The following PDE4A variants were observed in gnomAD, a reference collection of about 807,000 sequenced individuals.
The protein encoded by PDE4A is 3',5'-cyclic-AMP phosphodiesterase 4A.
In PDE4A, 21 loss-of-function variants were observed where a neutral mutation model predicts 73.9. The observed-to-expected ratio is 0.28, with a 90% confidence interval of 0.20 to 0.41. The LOEUF (loss-of-function observed/expected upper bound fraction) is 0.41, where lower values mean the gene tolerates loss of function less well. PDE4A is among the 10% of genes least tolerant of loss of function. PDE4A has a pLI of 1.00. For missense variants in PDE4A, 958 were observed against 1,211.4 expected, an observed-to-expected ratio of 0.79 and a Z score of 3.10; for synonymous variants, 463 against 505.4, an observed-to-expected ratio of 0.92 and a Z score of 1.13.
chr19:10,443,775 G>A (rs1388732124), intron 1 of PDE4A, among the ~76,000 whole-genome samples: 1 of 152,058 alleles, frequency 6.6e-6, no homozygotes, highest in Non-Finnish European at 1.5e-5. Context: ...GGGAGGCCGA[G>A]GTGGGTGGAT....
intron 1 of PDE4A, among the ~76,000 whole-genome samples, chr19:10,439,966 CG>C (rs1266131389): frequency 4.1e-5 from 6 of 147,500 alleles, no homozygotes; most frequent in Non-Finnish European, 8.9e-5. Flanking sequence ...TCCTAATAGG[CG>C]TGACATGGTA....
At chr19:10,427,655 G>T in intron 1 of PDE4A, 1 of 981,210 alleles carries the variant, frequency 1.0e-6, no homozygotes, top group Non-Finnish European at 1.2e-6. Context: ...CAGACAGCTG[G>T]GTCCATAATC....
Position 10,457,865 on chromosome 19 carries a change from C to T in PDE4A, c.878-14C>T, listed in dbSNP as rs2043196695. ...GGGTTGTTCACACTTGTTCCTGCTC[C>T]CCATCTTCTGCAGACAAACAGAATG... On this transcript the variant is annotated splice_polypyrimidine_tract_variant and intron_variant, in intron 7 of 14. Transcript: ENST00000380702. The T allele has an allele frequency of 1.9e-6, 3 of 1,611,976 alleles. No individual in the cohort carries two copies. The highest frequency in any genetic ancestry group is 2.5e-6 in the Non-Finnish European group (3 of 1,179,944).
At position 10,449,130 on chromosome 19, in the gene PDE4A, T is replaced by C. The variant is rs778511154; in HGVS notation, c.600T>C (p.Asn200=). The change falls in exon 4 of 15, where the codon AAT becomes AAC. Residue 200 remains asparagine (N), a synonymous_variant. Transcript: ENST00000380702. The part of the protein sequence containing the change: ...SVRSNFSLLT[N]VPVPSNKRSP... ...GTAGCAACTTCTCACTCCTGACCAA[T>C]GTGCCCGTTCCCAGTAACAAGTAAG... 1.9e-6 allele frequency: 3 copies of C among 1,613,720 alleles called. No individual in the cohort carries two copies. Among genetic ancestry groups the C allele is most frequent in the South Asian group, 2.2e-5 (2 of 90,952 alleles).
At chr19:10,425,227 AAAAAAAC>A (rs1466856910) in intron 1 of PDE4A, among the ~76,000 whole-genome samples, 1 of 151,592 alleles carries the variant, frequency 6.6e-6, no homozygotes, top group Admixed American at 6.6e-5. Context: ...TGTCTCAAAA[AAAAAAAC>A]AAAAAACAAA....
At chr19:10,446,157 C>T in intron 1 of PDE4A, 61 bp from the exon 2 acceptor site, 2 of 1,521,954 alleles carry the variant, frequency 1.3e-6, no homozygotes, top group Non-Finnish European at 1.8e-6. Flanking sequence ...CTCCTCATTC[C>T]TCTTGACCTC....
intron 1 of PDE4A, among the ~76,000 whole-genome samples, chr19:10,445,644 T>C (rs2042992705): frequency 6.6e-6 from 1 of 151,628 alleles, no homozygotes. Context: ...GGTGCATGTC[T>C]GTAATCCCAG....
chr19:10,450,978 G>T, intron 6 of PDE4A, 37 bp downstream of exon 6: 2 of 1,544,568 alleles, frequency 1.3e-6, no homozygotes, highest in East Asian at 2.4e-5. Context: ...GGGCGGGGCA[G>T]GCGGGGGCGG....
chr19:10,428,029 G>C (rs892584684), intron 1 of PDE4A: 8 of 167,906 alleles, frequency 4.8e-5, no homozygotes, highest in Non-Finnish European at 9.6e-5. Context: ...CACCTGGTGG[G>C]TGTCTGGTGG....
upstream of PDE4A, chr19:10,420,450 CGGGCGGG>C: frequency 3.3e-6 from 1 of 300,558 alleles, no homozygotes. This position sits in a 1 kb window ranked among gnomAD's most constrained non-coding sequence, Gnocchi z 6.0. Flanking sequence ...ACAGCCGCGG[CGGGCGGG>C]GGGCGGGGAG....
intron 14 of PDE4A, among the ~76,000 whole-genome samples, chr19:10,464,671 T>C (rs1314224774): frequency 2.6e-5 from 4 of 151,890 alleles, no homozygotes; most frequent in African/African-American, 9.7e-5. Flanking sequence ...CCTCCCAAAG[T>C]GCTGGGATAT....
chr19:10,453,096 G>A lies in PDE4A; in HGVS notation c.784-1733G>A, dbSNP rs1034183300. ...TGTAACCAGGGCTGCTGCTGGGAGC[G>A]CGGAGGGGAAGGGAGCCCCCAGCCC... On this transcript the variant is annotated intron_variant, in intron 6 of 14. Coordinates refer to ENST00000380702, the MANE Select transcript of PDE4A (RefSeq NM_001111307.2). This position sits in a 1 kb window ranked among gnomAD's most constrained non-coding sequence, Gnocchi z 4.6. The A allele has an allele frequency of 2.7e-5, 36 of 1,341,884 alleles. No homozygotes were observed. The highest frequency in any genetic ancestry group is 4.6e-5 in the African/African-American group (3 of 65,096). The allele number at this position is 1,341,884 out of a possible 1,614,324, so 83.1% of individuals were successfully genotyped here. A position where few individuals can be genotyped will look rare whatever the true frequency, so the allele number is the denominator to read the frequency against.
Position 10,435,516 on chromosome 19 carries a change from G to A in PDE4A, c.321-10702G>A, listed in dbSNP as rs1025786579. On this transcript the variant is annotated intron_variant, in intron 1 of 14. Transcript: ENST00000380702. ...GCTGAGGCTGCAGTGAACCATGATC[G>A]CCCCACTGCACTGCAGTCTGGGTGA... is the stretch of plus-strand genomic sequence containing the variant. Among the ~76,000 whole-genome samples the A allele has an allele frequency of 8.6e-5, 13 of 151,726 alleles. No individual in the cohort carries two copies. The South Asian group carries it at 1.0e-3, about 12-fold the overall frequency.
chr19:10,446,489 G>A, intron 2 of PDE4A, 80 bp downstream of exon 2: 2 of 1,517,948 alleles, frequency 1.3e-6, no homozygotes, highest in Admixed American at 2.0e-5. Context: ...GGGAGTCGGG[G>A]GGCACCCACC....
At chr19:10,419,056 CTTTT>C (rs977830124), upstream of PDE4A, 1,642 of 811,620 alleles carry the variant, frequency 2.0e-3, no homozygotes, top group African/African-American at 3.2e-3. Flanking sequence ...GACCGGCAGT[CTTTT>C]TTTTTTTTTT....
At chr19:10,446,077 A>G in intron 1 of PDE4A, 141 bp from the exon 2 acceptor site, 3 of 1,300,542 alleles carry the variant, frequency 2.3e-6, no homozygotes, top group Non-Finnish European at 3.1e-6. Flanking sequence ...ACCTCAAGTG[A>G]TTCACCCCCA....
At chr19:10,454,423 C>G (rs1274400225) in intron 6 of PDE4A, among the ~76,000 whole-genome samples, 5 of 152,234 alleles carry the variant, frequency 3.3e-5, no homozygotes, top group Non-Finnish European at 7.3e-5. Context: ...CCCCCTTTTC[C>G]CCAGCTCAGC....
chr19:10,459,982 G>A (rs917733411), intron 10 of PDE4A, among the ~76,000 whole-genome samples: 1 of 152,060 alleles, frequency 6.6e-6, no homozygotes, highest in Non-Finnish European at 1.5e-5. Flanking sequence ...CCGGGTTCAA[G>A]TGATTCTCCT....
At chr19:10,465,125 C>G (rs997602089) in intron 14 of PDE4A, among the ~76,000 whole-genome samples, 1 of 152,104 alleles carries the variant, frequency 6.6e-6, no homozygotes, top group African/African-American at 2.4e-5. Flanking sequence ...TTTGGGTGAT[C>G]ATTTTTTGTG....
Sources: gnomAD v4.1 joint callset for allele counts (sites outside exome capture counted in the v4.1 genomes callset) on GRCh38, gnomAD v4.1.1 for gene constraint, Gnocchi (gnomAD v3.1) non-coding constraint, MANE v1.5 for transcripts, NCBI Gene and HGNC (gene_info 2026-07-23, HGNC 2026-07-21) for gene names.